Variants in KDM5A observed in about 807,000 individuals in gnomAD.
KDM5A encodes the protein lysine demethylase 5A, also known as lysine-specific demethylase 5A.
KDM5A carries 42 observed loss-of-function variants against 193.5 expected under a neutral mutation model. The observed-to-expected ratio is 0.22, with a 90% CI of 0.17 to 0.28. The LOEUF (loss-of-function observed/expected upper bound fraction) is 0.28. KDM5A is among the 10% of genes least tolerant of loss of function. The pLI is 1.00. For missense variants in KDM5A, 1,692 were observed against 2,055.1 expected (o/e 0.82, Z 3.42); for synonymous variants, 796 against 718.1 (o/e 1.11, Z -1.73).
At chr12:351,086 AT>A (rs113739476) in intron 9 of KDM5A, among the ~76,000 whole-genome samples, 99 of 152,314 alleles carry the variant, frequency 6.5e-4, no homozygotes, top group African/African-American at 2.3e-3. Context: ...GCAAGATTAA[AT>A]TTTTTTAATA....
At chr12:287,529 C>T (rs920068423) in intron 27 of KDM5A, among the ~76,000 whole-genome samples, 1 of 150,190 alleles carries the variant, frequency 6.7e-6, no homozygotes, top group African/African-American at 2.4e-5. Context: ...ATAATGGCAT[C>T]TGTGCAAAAT....
intron 3 of KDM5A, among the ~76,000 whole-genome samples, chr12:373,008 A>G (rs886720671): frequency 1.1e-4 from 16 of 152,172 alleles, no homozygotes; most frequent in Non-Finnish European, 2.1e-4. Flanking sequence ...ATTTTATTGA[A>G]GATTTTCGCA....
intron 25 of KDM5A, among the ~76,000 whole-genome samples, chr12:296,103 G>T (rs1943368378): frequency 6.6e-6 from 1 of 152,016 alleles, no homozygotes; most frequent in South Asian, 2.1e-4. Flanking sequence ...TGGATCACCT[G>T]AGGTCAGGAG....
chr12:306,902 C>T (rs771799450), intron 24 of KDM5A, 44 bp downstream of exon 24: 4 of 1,592,076 alleles, frequency 2.5e-6, no homozygotes, highest in Non-Finnish European at 3.4e-6. Context: ...TTAAACAAAC[C>T]CAATGATCAG....
Position 307,756 on chromosome 12 carries a change from AT to A in KDM5A, c.3627del (p.Lys1209AsnfsTer15). 6.2e-7 allele frequency: 1 copy of A among 1,614,176 alleles called. No individual in the cohort carries two copies. Among genetic ancestry groups the A allele is most frequent in the Non-Finnish European group, 8.5e-7 (1 of 1,180,028 alleles). On this transcript the variant is annotated frameshift_variant, in exon 23 of 28. Transcript: ENST00000399788. LOFTEE classifies it high-confidence loss of function. This position sits in a 1 kb window ranked among gnomAD's most constrained non-coding sequence, Gnocchi z 4.3. Reference protein sequence around the residue: ...KGSSWQAKEVKFLCPLCMRSR... With the variant: ...KGSSWQAKEVXFLCPLCMRSR... Reference sequence around the variant, plus strand: ...GACCGCATACAAAGAGGGCAAAGGAATTTTACTTCTTTAGCTTGCCAGCTGG... The same window carrying A: ...GACCGCATACAAAGAGGGCAAAGGAATTTACTTCTTTAGCTTGCCAGCTGG...
At chr12:320,463 T>G (rs555630643) in intron 18 of KDM5A, among the ~76,000 whole-genome samples, 2 of 152,002 alleles carry the variant, frequency 1.3e-5, no homozygotes, top group East Asian at 1.9e-4. Context: ...GCCACTGCAC[T>G]CCAGCCTGGG....
At chr12:387,994 T>G (rs1221582742) in intron 1 of KDM5A, among the ~76,000 whole-genome samples, 2 of 59,694 alleles carry the variant, frequency 3.4e-5, no homozygotes, top group Non-Finnish European at 6.9e-5. Flanking sequence ...AAACCTCAAC[T>G]TACATGAGAA....
At chr12:331,584 A>G (rs1943867235) in intron 13 of KDM5A, among the ~76,000 whole-genome samples, 1 of 152,224 alleles carries the variant, frequency 6.6e-6, no homozygotes, top group Non-Finnish European at 1.5e-5. Context: ...TGAAGGAAGC[A>G]AGTTCAAACA....
chr12:381,572 AG>A (rs1565553914), intron 3 of KDM5A, among the ~76,000 whole-genome samples: 3 of 127,402 alleles, frequency 2.4e-5, no homozygotes, highest in African/African-American at 1.6e-4. Flanking sequence ...GTTCCCTATA[AG>A]AAGAAACCCA....
rs145973711 is a variant in KDM5A at position 364,645 on chromosome 12, C to T, written c.537+1289G>A. Among the ~76,000 whole-genome samples the T allele has an allele frequency of 9.4e-3, 1,411 of 150,094 alleles. 30 individuals carry two copies. The highest frequency in any genetic ancestry group is 0.032 in the African/African-American group (1,314 of 40,772). ...CTAAAAATACAAAAAATTCTGTGGG[C>T]GTGGTGGTGGGCACCTGTAGTCCCA... On this transcript the variant is annotated intron_variant, in intron 4 of 27. Transcript: ENST00000399788.
chr12:302,303 T>G (rs946864939), intron 24 of KDM5A, among the ~76,000 whole-genome samples: 6 of 152,168 alleles, frequency 3.9e-5, no homozygotes, highest in Non-Finnish European at 8.8e-5. Flanking sequence ...AAAAACAGCA[T>G]GGTACTGGTA....
At chr12:349,157 AT>A (rs1944117467) in intron 10 of KDM5A, among the ~76,000 whole-genome samples, 1 of 150,924 alleles carries the variant, frequency 6.6e-6, no homozygotes, top group East Asian at 2.0e-4. Flanking sequence ...AGTAGCTAGG[AT>A]TACAGGCATG....
intron 3 of KDM5A, among the ~76,000 whole-genome samples, chr12:371,569 G>A (rs1944428202): frequency 6.6e-6 from 1 of 152,160 alleles, no homozygotes; most frequent in Non-Finnish European, 1.5e-5. Context: ...TGTTTACTCT[G>A]ATGGTAGTTT....
In KDM5A at chr12:335,644, C is replaced by A. The variant is rs565166218; in HGVS notation, c.1309-1222G>T. ...CCCTCAAGGTAAGAAGTTAAAGAGC[C>A]AATGACAAAGCTAAAGAGAATTTGT... On this transcript the variant is annotated intron_variant, in intron 10 of 27. Transcript: ENST00000399788. Among the ~76,000 whole-genome samples, 15 of 152,110 alleles carry A rather than the reference C, an allele frequency of 9.9e-5. No individual in the cohort carries two copies. The East Asian group carries it at 2.9e-3, about 29-fold the overall frequency.
chr12:344,603 G>A (rs191645668), intron 10 of KDM5A, among the ~76,000 whole-genome samples: 1 of 152,176 alleles, frequency 6.6e-6, no homozygotes, highest in Admixed American at 6.5e-5. Flanking sequence ...GAGAGTGGGG[G>A]CCAATATTCA....
At chr12:329,948 T>A (rs1943840955) in intron 13 of KDM5A, among the ~76,000 whole-genome samples, 1 of 151,908 alleles carries the variant, frequency 6.6e-6, no homozygotes, top group South Asian at 2.1e-4. Flanking sequence ...CATCTACAGT[T>A]TGAGAAAGGC....
intron 17 of KDM5A, 68 bp downstream of exon 17, chr12:322,349 T>C: frequency 6.7e-7 from 1 of 1,488,432 alleles, no homozygotes; most frequent in Non-Finnish European, 9.2e-7. Context: ...ACAGGCCGGA[T>C]AAAATTTTGG....
At chr12:294,077 A>G (rs765334498) in intron 26 of KDM5A, among the ~76,000 whole-genome samples, 12 of 152,190 alleles carry the variant, frequency 7.9e-5, no homozygotes, top group Non-Finnish European at 1.0e-4. Flanking sequence ...AAGTATTGGT[A>G]GTTATTTTTA....
rs555150776 is a variant in KDM5A, at chr12:384,173, G to T, written c.244-20C>A. 35 of 1,553,418 alleles carry T rather than the reference G, an allele frequency of 2.3e-5. No homozygotes were observed. In the East Asian group the frequency reaches 7.9e-4, roughly 35 times the overall value. On this transcript the variant is annotated intron_variant, in intron 2 of 27. Coordinates refer to ENST00000399788, the MANE Select transcript of KDM5A (RefSeq NM_001042603.3). ...CATTGCCTAAGATTATTAAAATACA[G>T]AAGAACTAAGTTATGATTGAAATGA...
Sources: allele counts gnomAD v4.1 joint callset (sites outside exome capture counted in the v4.1 genomes callset), GRCh38; gene constraint gnomAD v4.1.1; non-coding constraint Gnocchi (gnomAD v3.1); transcripts MANE v1.5; gene names NCBI Gene and HGNC (gene_info 2026-07-23, HGNC 2026-07-21).